NELL2: variants seen among roughly 807,000 people sequenced by gnomAD.
NELL2 encodes the protein neural EGFL like 2, also known as protein kinase C-binding protein NELL2.
Under a neutral mutation model 109.6 loss-of-function variants are expected in NELL2, and 41 were observed. The ratio of observed to expected loss-of-function variants is 0.37; its 90% CI spans 0.29 to 0.49. The LOEUF (loss-of-function observed/expected upper bound fraction) is 0.49, where lower values mean the gene tolerates loss of function less well. Among genes scored for constraint, NELL2 ranks in the 20% least tolerant of loss-of-function variants. The probability of loss-of-function intolerance (pLI) is 0.98; values close to 1 mark genes in which losing one functional copy is unlikely to be tolerated. For missense variants in NELL2, 900 were observed against 1,008.3 expected (o/e 0.89, Z 1.45); for synonymous variants, 355 against 344.7 (o/e 1.03, Z -0.33).
At chr12:44,703,633 C>T in intron 12 of NELL2, 93 bp downstream of exon 12, 1 of 1,285,182 alleles carries the variant, frequency 7.8e-7, no homozygotes, top group Middle Eastern at 1.9e-4. Context: ...TTAATGGGCC[C>T]ATCAACTTGA....
intron 12 of NELL2, among the ~76,000 whole-genome samples, chr12:44,691,533 T>TGC (rs1236482661): frequency 6.6e-6 from 1 of 152,120 alleles, no homozygotes; most frequent in Admixed American, 6.5e-5. Flanking sequence ...TGAGAAGAGT[T>TGC]GCACGTCTCT....
chr12:44,579,710 T>C (rs1030429738), intron 15 of NELL2, among the ~76,000 whole-genome samples: 1 of 152,204 alleles, frequency 6.6e-6, no homozygotes, highest in Non-Finnish European at 1.5e-5. Context: ...TTTCTCACTG[T>C]ATTAAATCAA....
At chr12:44,668,976 G>C (rs1010148027) in intron 12 of NELL2, among the ~76,000 whole-genome samples, 1 of 151,984 alleles carries the variant, frequency 6.6e-6, no homozygotes, top group Non-Finnish European at 1.5e-5. Context: ...GCCCATGAAG[G>C]CCACTGAGGG....
At chr12:44,920,168 T>C (rs1317706058) in intron 1 of NELL2, among the ~76,000 whole-genome samples, 2 of 152,110 alleles carry the variant, frequency 1.3e-5, no homozygotes, top group African/African-American at 2.4e-5. Context: ...TTTTGAAATA[T>C]AGAAATAAAG....
chr12:44,794,342 AAAAGG>A (rs1450413235), intron 3 of NELL2, among the ~76,000 whole-genome samples: 2 of 152,154 alleles, frequency 1.3e-5, no homozygotes, highest in Admixed American at 6.6e-5. Context: ...TTCCATTTCA[AAAAGG>A]AAAGGGCTCA....
chr12:44,547,460 A>G (rs551058394), intron 15 of NELL2, among the ~76,000 whole-genome samples: 3 of 152,214 alleles, frequency 2.0e-5, no homozygotes, highest in Non-Finnish European at 4.4e-5. Flanking sequence ...TGAATAAAAT[A>G]TTACTCCAGC....
At position 44,508,929 on chromosome 12, in the gene NELL2, T is replaced by G; in HGVS notation, c.*5A>C. On this transcript the variant is annotated 3_prime_UTR_variant, in exon 20 of 20. Transcript: ENST00000429094. ...TAACAGAAATCTCCCATGAGACAGTTAACTTCACAGTTCCTGAAGGCACTG... is the reference window on the plus strand; with the variant it reads ...TAACAGAAATCTCCCATGAGACAGTGAACTTCACAGTTCCTGAAGGCACTG... 6.2e-7 allele frequency: 1 copy of G among 1,610,530 alleles called. No individual in the cohort carries two copies. The highest frequency in any genetic ancestry group is 1.1e-5 in the South Asian group (1 of 90,680).
intron 13 of NELL2, among the ~76,000 whole-genome samples, chr12:44,643,755 C>T (rs1203880240): frequency 6.6e-6 from 1 of 152,128 alleles, no homozygotes; most frequent in African/African-American, 2.4e-5. Context: ...TTGGTTTCCC[C>T]TGAATTTCAG....
chr12:44,896,478 G>A (rs1244684808), intron 1 of NELL2, among the ~76,000 whole-genome samples: 2 of 152,122 alleles, frequency 1.3e-5, no homozygotes, highest in Non-Finnish European at 2.9e-5. Context: ...GGAATTCCGT[G>A]ACCGAGGTGT....
At chr12:44,521,574 CTT>C (rs1290367518) in intron 18 of NELL2, among the ~76,000 whole-genome samples, 1 of 149,958 alleles carries the variant, frequency 6.7e-6, no homozygotes, top group Non-Finnish European at 1.5e-5. Context: ...GGCGGAGTTG[CTT>C]TGTTTTTTAA....
intron 13 of NELL2, among the ~76,000 whole-genome samples, chr12:44,650,144 C>T (rs1276768018): frequency 2.0e-5 from 3 of 152,004 alleles, no homozygotes; most frequent in Non-Finnish European, 4.4e-5. Flanking sequence ...TGATGTATTC[C>T]CTTGGATAAT....
chr12:44,508,927 G>A lies in NELL2; in HGVS notation c.*7C>T. The A allele has an allele frequency of 6.2e-7, 1 of 1,610,028 alleles. No homozygotes were observed. Among genetic ancestry groups the A allele is most frequent in the Admixed American group, 1.7e-5 (1 of 59,726 alleles). On this transcript the variant is annotated 3_prime_UTR_variant, in exon 20 of 20. Coordinates refer to ENST00000429094, the MANE Select transcript of NELL2 (RefSeq NM_001145108.2). ...TTTAACAGAAATCTCCCATGAGACA[G>A]TTAACTTCACAGTTCCTGAAGGCAC...
rs950621589 is a variant in NELL2 at position 44,672,237 on chromosome 12, T to C, written c.1319-6628A>G. Among the ~76,000 whole-genome samples, 5 of 152,218 alleles carry C rather than the reference T, an allele frequency of 3.3e-5. No individual in the cohort carries two copies. The South Asian group carries it at 8.3e-4, about 25-fold the overall frequency. On this transcript the variant is annotated intron_variant, in intron 12 of 19. Transcript: ENST00000429094. ...GAACCAGTACCAGTCCCTGATTTGC[T>C]AGGAAGTGGGCCGCACAGCAGGAAG...
chr12:44,735,662 T>A (rs1395065127), intron 9 of NELL2, among the ~76,000 whole-genome samples: 2 of 152,216 alleles, frequency 1.3e-5, no homozygotes, highest in Non-Finnish European at 2.9e-5. Context: ...AAGACCCTCA[T>A]AGCAAAAGCA....
chr12:44,602,640 G>T (rs1945261382), intron 15 of NELL2, among the ~76,000 whole-genome samples: 1 of 151,574 alleles, frequency 6.6e-6, no homozygotes, highest in African/African-American at 2.4e-5. Flanking sequence ...TATATATTTT[G>T]GTAATGTATT....
intron 2 of NELL2, among the ~76,000 whole-genome samples, chr12:44,874,296 G>C (rs947348968): frequency 6.6e-6 from 1 of 152,162 alleles, no homozygotes; most frequent in East Asian, 1.9e-4. Flanking sequence ...AGAAGCTTTA[G>C]TCCATTAGAT....
At chr12:44,918,513 ATGTATGTGTGTGTGTGTGTGTG>A (rs1945845369), upstream of NELL2, among the ~76,000 whole-genome samples, 1 of 121,310 alleles carries the variant, frequency 8.2e-6, no homozygotes, top group African/African-American at 3.1e-5. Context: ...TCATGCATGC[ATGTATGTGTGTGTGTGTGTGTG>A]TGTGTGTGTG....
chr12:44,537,629 C>T (rs1056911877), intron 15 of NELL2, among the ~76,000 whole-genome samples: 1 of 151,994 alleles, frequency 6.6e-6, no homozygotes, highest in African/African-American at 2.4e-5. Flanking sequence ...AAACAGTAGG[C>T]AATTAAAGAT....
intron 9 of NELL2, among the ~76,000 whole-genome samples, chr12:44,747,272 G>A (rs1035288908): frequency 6.6e-6 from 1 of 151,978 alleles, no homozygotes; most frequent in Non-Finnish European, 1.5e-5. Context: ...ACACAGGAAG[G>A]GGAACATCAC....
Sources: allele counts gnomAD v4.1 joint callset (sites outside exome capture counted in the v4.1 genomes callset), GRCh38; gene constraint gnomAD v4.1.1; transcripts MANE v1.5; gene names NCBI Gene and HGNC (gene_info 2026-07-23, HGNC 2026-07-21).